SLIT1: variants seen among roughly 807,000 people sequenced by gnomAD.
SLIT1 encodes the protein slit guidance ligand 1.
Under a neutral mutation model 186.1 loss-of-function variants are expected in SLIT1, and 66 were observed. The observed-to-expected ratio is 0.35, with a 90% confidence interval of 0.29 to 0.44. The LOEUF (loss-of-function observed/expected upper bound fraction) is 0.44, where lower values mean the gene tolerates loss of function less well. SLIT1 is among the 20% of genes least tolerant of loss of function. The probability of loss-of-function intolerance (pLI) is 1.00; values close to 1 mark genes in which losing one functional copy is unlikely to be tolerated. For missense variants in SLIT1, 1,638 were observed against 2,037.4 expected (o/e 0.80, Z 3.77); for synonymous variants, 761 against 833.8 (o/e 0.91, Z 1.50).
rs1848913664 is a variant in SLIT1 at position 97,063,513 on chromosome 10, T to G, written c.735A>C (p.Pro245=). Residue 245 remains proline (P), a synonymous_variant, in exon 8 of 37, where the codon CCA becomes CCC. Transcript: ENST00000266058. ...TIGLFTQCSG[P]ASLRGLNVAE... is the part of the protein sequence containing the mutation. ...CCACATTGAGGCCACGCAGGCTGGC[T>G]GGGCCCGAGCACTGGGTGAAGAGCC... 1.2e-6 allele frequency: 2 copies of G among 1,613,034 alleles called. No individual in the cohort carries two copies. Among genetic ancestry groups the G allele is most frequent in the Non-Finnish European group, 1.7e-6 (2 of 1,179,966 alleles).
rs141478970 is a variant in SLIT1, at chr10:97,161,720, G to A, written c.341+1660C>T. On this transcript the variant is annotated intron_variant, in intron 3 of 36. Transcript: ENST00000266058. ...TTGAACCCAAGAGGCGGAGATTGCA[G>A]TGAGCCGAGATTGCGCCATTGCACT... Among the ~76,000 whole-genome samples, 377 of 152,368 alleles carry A rather than the reference G, an allele frequency of 2.5e-3. 1 individual carries two copies. Among genetic ancestry groups the A allele is most frequent in the African/African-American group, 8.1e-3 (336 of 41,594 alleles).
Position 97,164,881 on chromosome 10 carries a change from A to C in SLIT1, c.207T>G (p.Asn69Lys). 6.2e-7 allele frequency: 1 copy of C among 1,613,014 alleles called. No homozygotes were observed. The change falls in exon 2 of 37, where the codon AAT becomes AAG. Residue 69 changes from asparagine (N) to lysine (K), a missense_variant. Asn to Lys is a moderately conservative substitution (Grantham distance 94). This residue lies in a region of SLIT1 where 1,245 missense variants were observed against 1,535.3 expected (regional missense o/e 0.81). Coordinates refer to ENST00000266058, the MANE Select transcript of SLIT1 (RefSeq NM_003061.3). ...TATGGATCCGAGTGATGTTGTTGCCATTGAGTTCCCTGGAGGAAGAAGGAG... is the reference window on the plus strand; with the variant it reads ...TATGGATCCGAGTGATGTTGTTGCCCTTGAGTTCCCTGGAGGAAGAAGGAG... ...IPRNTERLEL[N>K]GNNITRIHKN...
chr10:97,018,829 A>G (rs1848477845), intron 27 of SLIT1, 146 bp from the exon 28 acceptor site: 2 of 632,572 alleles, frequency 3.2e-6, no homozygotes, highest in Non-Finnish European at 5.7e-6. Flanking sequence ...TCATTCATTC[A>G]TTCATTCATT....
intron 4 of SLIT1, among the ~76,000 whole-genome samples, chr10:97,123,791 A>T (rs1159176082): frequency 2.5e-5 from 1 of 40,074 alleles, no homozygotes; most frequent in Admixed American, 3.0e-4. Flanking sequence ...CTCTGTCTGA[A>T]AAAAAAAAAA....
intron 13 of SLIT1, among the ~76,000 whole-genome samples, chr10:97,050,707 C>G (rs1848779116): frequency 6.6e-6 from 1 of 152,210 alleles, no homozygotes. Context: ...AGTGCCTCAG[C>G]CCCTGCCTGA....
intron 4 of SLIT1, among the ~76,000 whole-genome samples, chr10:97,090,808 C>T (rs1321880655): frequency 3.3e-5 from 5 of 152,224 alleles, no homozygotes; most frequent in East Asian, 1.9e-4. Context: ...AGTCGTCCAG[C>T]GGGTGCTGGG....
chr10:97,082,268 G>A (rs1017360628), intron 4 of SLIT1, among the ~76,000 whole-genome samples: 1 of 152,216 alleles, frequency 6.6e-6, no homozygotes, highest in African/African-American at 2.4e-5. Context: ...ATGAATGATT[G>A]TGACTGGCTC....
chr10:97,179,176 A>T (rs1167357166), intron 1 of SLIT1, among the ~76,000 whole-genome samples: 1 of 152,172 alleles, frequency 6.6e-6, no homozygotes, highest in African/African-American at 2.4e-5. Context: ...CCTCATCTCC[A>T]TGCTGATGGG....
chr10:97,040,062 C>G lies in SLIT1; in HGVS notation c.2223G>C (p.Leu741=). 1 of 1,610,930 alleles carries G rather than the reference C, an allele frequency of 6.2e-7. No individual in the cohort carries two copies. The highest frequency in any genetic ancestry group is 8.5e-7 in the Non-Finnish European group (1 of 1,178,540). ...RPQCPQECAC[L]DTVVRCSNKH... is the part of the protein sequence containing the mutation. The stretch of plus-strand genomic sequence containing the variant: ...TGTTGCTGCATCGGACCACGGTGTC[C>G]AGGCAGGCGCACTCCTGTGGGCACT... Residue 741 remains leucine, a synonymous_variant, in exon 21 of 37, where the codon CTG becomes CTC. Coordinates refer to ENST00000266058, the MANE Select transcript of SLIT1 (RefSeq NM_003061.3).
chr10:97,140,335 C>A (rs1407708743), intron 4 of SLIT1, among the ~76,000 whole-genome samples: 1 of 152,182 alleles, frequency 6.6e-6, no homozygotes, highest in Non-Finnish European at 1.5e-5. Flanking sequence ...CAGGCCGGCC[C>A]CTCCCCAACA....
At position 97,018,573 on chromosome 10, in the gene SLIT1, C is replaced by G. The variant is rs755023664; in HGVS notation, c.2969+13G>C. The G allele has an allele frequency of 1.0e-4, 153 of 1,536,370 alleles. No individual in the cohort carries two copies. The highest frequency in any genetic ancestry group is 1.2e-4 in the Non-Finnish European group (139 of 1,128,768). On this transcript the variant is annotated intron_variant, in intron 28 of 36. Coordinates refer to ENST00000266058, the MANE Select transcript of SLIT1 (RefSeq NM_003061.3). The stretch of plus-strand genomic sequence containing the variant: ...CAGCACTCACCAGGCTCCTGCCCCT[C>G]CAGGTAACTCACGTGAACGGGGCAT...
At chr10:97,142,970 A>G (rs1050604349) in intron 4 of SLIT1, among the ~76,000 whole-genome samples, 3 of 152,378 alleles carry the variant, frequency 2.0e-5, no homozygotes, top group Admixed American at 6.5e-5. Flanking sequence ...GTTAAAAAAA[A>G]AGAGAAAATA....
At chr10:97,169,317 G>A (rs35756239) in intron 1 of SLIT1, among the ~76,000 whole-genome samples, 3,559 of 152,242 alleles carry the variant, frequency 0.023, 61 homozygotes, top group Non-Finnish European at 0.031. Flanking sequence ...CTAAGCTCCC[G>A]GGTCTGAGGG....
chr10:97,022,409 T>C lies in SLIT1; in HGVS notation c.2583-996A>G, dbSNP rs189146349. The stretch of plus-strand genomic sequence containing the variant: ...CTGCACAACACTGTGAATGATTAAA[T>C]GCCACCGAGTTGCACACTTTTTAAA... On this transcript the variant is annotated intron_variant, in intron 25 of 36. Transcript: ENST00000266058. The surrounding 1 kb of genome is among the most constrained non-coding windows in gnomAD (Gnocchi z 4.2). Among the ~76,000 whole-genome samples, 255 of 152,122 alleles carry C rather than the reference T, an allele frequency of 1.7e-3. 2 individuals carry two copies. The highest frequency in any genetic ancestry group is 4.6e-4 in the Non-Finnish European group (31 of 67,984).
chr10:97,100,929 CA>C (rs1849346532), intron 4 of SLIT1, among the ~76,000 whole-genome samples: 1 of 152,200 alleles, frequency 6.6e-6, no homozygotes. Context: ...AGGGACGGTG[CA>C]GACGCAGGCC....
chr10:97,164,767 G>T, intron 2 of SLIT1, 52 bp downstream of exon 2: 2 of 1,360,904 alleles, frequency 1.5e-6, no homozygotes, highest in South Asian at 2.3e-5. Flanking sequence ...CCCTGCCCAG[G>T]ACTGCCGTGG....
At chr10:97,090,597 TGG>T (rs55942419) in intron 4 of SLIT1, among the ~76,000 whole-genome samples, 44 of 152,116 alleles carry the variant, frequency 2.9e-4, no homozygotes, top group African/African-American at 1.0e-3. Flanking sequence ...TATAGGGTGT[TGG>T]GGGGGGCAGT....
At position 97,004,914 on chromosome 10, in the gene SLIT1, AAG is replaced by A; in HGVS notation, c.3580-93_3580-92del. Reference sequence around the variant, plus strand: ...GGGCAGAGAGGGCACCCAAGATTGGAAGAGAGATGCTCTGTGCAGAGCGCTCT... The same window carrying A: ...GGGCAGAGAGGGCACCCAAGATTGGAAGAGATGCTCTGTGCAGAGCGCTCT... On this transcript the variant is annotated intron_variant, in intron 32 of 36. Coordinates refer to ENST00000266058, the MANE Select transcript of SLIT1 (RefSeq NM_003061.3). The surrounding 1 kb of genome is among the most constrained non-coding windows in gnomAD (Gnocchi z 5.1). 6.8e-7 allele frequency: 1 copy of A among 1,478,956 alleles called. No homozygotes were observed. Among genetic ancestry groups the A allele is most frequent in the Non-Finnish European group, 9.4e-7 (1 of 1,067,150 alleles). 91.6% of individuals were successfully genotyped at this position (1,478,956 alleles called of 1,614,324 possible). A position where few individuals can be genotyped will look rare whatever the true frequency, so the allele number is the denominator to read the frequency against.
At chr10:97,164,233 G>A (rs1023555100) in intron 2 of SLIT1, among the ~76,000 whole-genome samples, 2 of 152,244 alleles carry the variant, frequency 1.3e-5, no homozygotes, top group African/African-American at 4.8e-5. Context: ...CCCGCAAGCA[G>A]GTGGCTTTCG....
Sources: allele counts gnomAD v4.1 joint callset (sites outside exome capture counted in the v4.1 genomes callset), GRCh38; gene constraint gnomAD v4.1.1; regional missense constraint gnomAD v4.1.1; non-coding constraint Gnocchi (gnomAD v3.1); transcripts MANE v1.5; gene names NCBI Gene and HGNC (gene_info 2026-07-23, HGNC 2026-07-21).